Variants in ANO3 observed in about 807,000 individuals in gnomAD.
The protein encoded by ANO3 is anoctamin 3, also known as anoctamin-3.
A neutral mutation model predicts 144.8 loss-of-function variants in ANO3; 99 were observed. That is an observed-to-expected ratio of 0.68 (90% CI 0.58 to 0.81). The LOEUF is 0.81. ANO3 is among the 30% of genes least tolerant of loss of function. The pLI is 0.00. For missense variants in ANO3, 905 were observed against 1,202.2 expected (o/e 0.75, Z 3.66); for synonymous variants, 414 against 392.6 (o/e 1.05, Z -0.64).
At chr11:26,409,423 G>T (rs1184493469) in intron 1 of ANO3, among the ~76,000 whole-genome samples, 1 of 149,986 alleles carries the variant, frequency 6.7e-6, no homozygotes, top group African/African-American at 2.5e-5. Flanking sequence ...TTTAGGGCTG[G>T]TGTCAGCTGA....
At chr11:26,339,237 C>T (rs1590273205) in intron 1 of ANO3, among the ~76,000 whole-genome samples, 1 of 151,900 alleles carries the variant, frequency 6.6e-6, no homozygotes, top group African/African-American at 2.4e-5. Flanking sequence ...TCACTGAAAC[C>T]TCTGCCTCCC....
chr11:26,503,683 T>C (rs910020431), intron 4 of ANO3, among the ~76,000 whole-genome samples: 1 of 152,088 alleles, frequency 6.6e-6, no homozygotes, highest in Non-Finnish European at 1.5e-5. Context: ...TGTGAACTTA[T>C]TTACTCACTG....
intron 17 of ANO3, among the ~76,000 whole-genome samples, chr11:26,620,929 G>T (rs901086587): frequency 6.6e-6 from 1 of 152,168 alleles, no homozygotes; most frequent in African/African-American, 2.4e-5. Flanking sequence ...TTTAATAAAT[G>T]TATTTGTTTA....
chr11:26,366,415 G>A (rs1311121129), intron 1 of ANO3, among the ~76,000 whole-genome samples: 1 of 152,252 alleles, frequency 6.6e-6, no homozygotes, highest in African/African-American at 2.4e-5. Flanking sequence ...TTGGTTCCAA[G>A]TCTTTGCTAT....
At chr11:26,215,569 G>A (rs997814117) in intron 1 of ANO3, among the ~76,000 whole-genome samples, 4 of 151,816 alleles carry the variant, frequency 2.6e-5, no homozygotes, top group African/African-American at 9.7e-5. Flanking sequence ...AAAAACTCTG[G>A]TTCCTTTTAT....
At chr11:26,328,027 C>T (rs571728175), upstream of ANO3, among the ~76,000 whole-genome samples, 6 of 152,270 alleles carry the variant, frequency 3.9e-5, no homozygotes, top group East Asian at 9.7e-4. Flanking sequence ...CTTCAAAATG[C>T]CATGTGCTCC....
At chr11:26,659,025 A>G (rs983407149) in intron 26 of ANO3, among the ~76,000 whole-genome samples, 11 of 152,026 alleles carry the variant, frequency 7.2e-5, no homozygotes, top group Admixed American at 4.6e-4. Flanking sequence ...ATTTATAATA[A>G]CAGGAGGTAA....
At chr11:26,278,750 A>G (rs10834939) in intron 1 of ANO3, among the ~76,000 whole-genome samples, 26,946 of 152,012 alleles carry the variant, frequency 0.18, 2,660 homozygotes, top group African/African-American at 0.27. Flanking sequence ...TTCCTCTATC[A>G]CCTTCCCACC....
chr11:26,497,651 T>C (rs1251319174), intron 4 of ANO3, among the ~76,000 whole-genome samples: 1 of 152,078 alleles, frequency 6.6e-6, no homozygotes, highest in African/African-American at 2.4e-5. Flanking sequence ...TAAATACATG[T>C]TGGAAATCAT....
chr11:26,602,588 CTTTTTT>C (rs113082487), intron 17 of ANO3, among the ~76,000 whole-genome samples: 1 of 138,884 alleles, frequency 7.2e-6, no homozygotes, highest in African/African-American at 2.7e-5. Flanking sequence ...CTTTTCTTTT[CTTTTTT>C]TTTTTTTTAA....
rs528431599 is a variant in ANO3 at position 26,502,594 on chromosome 11, A to G, written c.433-5510A>G. ...GACTGGCTGTGGTAAATTCACAAAG[A>G]TTATATAACCTTCCGTGTCTGTTGG... On this transcript the variant is annotated intron_variant, in intron 4 of 26. Coordinates refer to ENST00000256737, the MANE Select transcript of ANO3 (RefSeq NM_031418.4). 3.9e-5 allele frequency among the ~76,000 whole-genome samples: 6 copies of G among 152,202 alleles called. No homozygotes were observed. The East Asian group carries it at 1.2e-3, about 29-fold the overall frequency.
chr11:26,448,392 G>C (rs1164946113), intron 3 of ANO3, among the ~76,000 whole-genome samples: 1 of 151,792 alleles, frequency 6.6e-6, no homozygotes, highest in African/African-American at 2.4e-5. Context: ...GTCTAATCTT[G>C]TTATGAAATC....
At chr11:26,634,852 A>G (rs189262277) in intron 19 of ANO3, among the ~76,000 whole-genome samples, 161 bp from the exon 20 acceptor site, 1 of 152,224 alleles carries the variant, frequency 6.6e-6, no homozygotes, top group East Asian at 1.9e-4. Context: ...TTCCTTTGTA[A>G]GTCAGATACT....
intron 1 of ANO3, among the ~76,000 whole-genome samples, chr11:26,281,010 T>C (rs10834951): frequency 0.18 from 27,010 of 152,096 alleles, 2,680 homozygotes; most frequent in African/African-American, 0.27. Flanking sequence ...TCTATCATTG[T>C]TTTATCCCCT....
chr11:26,376,570 A>T (rs1234353633), intron 1 of ANO3, among the ~76,000 whole-genome samples: 2 of 152,056 alleles, frequency 1.3e-5, no homozygotes, highest in African/African-American at 4.8e-5. Context: ...GCAACCAAAG[A>T]TGTTTCTCAA....
chr11:26,374,432 C>G (rs1856347901), intron 1 of ANO3, among the ~76,000 whole-genome samples: 2 of 152,132 alleles, frequency 1.3e-5, no homozygotes, highest in Non-Finnish European at 2.9e-5. Context: ...CTTTTAGGCT[C>G]TTGTCTACTA....
rs1473231197 is a variant in ANO3, at chr11:26,662,319, C to CG, written c.*1875_*1876insG. 1.3e-5 allele frequency: 2 copies of CG among 151,848 alleles called. No individual in the cohort carries two copies. The highest frequency in any genetic ancestry group is 2.9e-5 in the Non-Finnish European group (2 of 67,938). The allele number at this position is 151,848 out of a possible 1,614,324, so 9.4% of individuals were successfully genotyped here. A position where few individuals can be genotyped will look rare whatever the true frequency, so the allele number is the denominator to read the frequency against. On this transcript the variant is annotated 3_prime_UTR_variant, in exon 27 of 27. Transcript: ENST00000256737. ...TTCCAGAGAGGTTCTCATGCTCCCCCCCCTCCTTATTTGTAGCAATCGTAG... is the reference window on the plus strand; with the variant it reads ...TTCCAGAGAGGTTCTCATGCTCCCCCGCCCTCCTTATTTGTAGCAATCGTAG...
chr11:26,233,527 A>AG (rs1554926596), intron 1 of ANO3, among the ~76,000 whole-genome samples: 1 of 152,230 alleles, frequency 6.6e-6, no homozygotes, highest in Non-Finnish European at 1.5e-5. Context: ...TGTGGAAGAC[A>AG]GTGTGGTGGT....
chr11:26,490,519 T>C (rs890882838), intron 4 of ANO3, among the ~76,000 whole-genome samples: 2 of 152,236 alleles, frequency 1.3e-5, no homozygotes, highest in Non-Finnish European at 1.5e-5. Context: ...TATTTAGGTG[T>C]TATGGCTGCA....
Sources: allele counts gnomAD v4.1 joint callset (sites outside exome capture counted in the v4.1 genomes callset), GRCh38; gene constraint gnomAD v4.1.1; transcripts MANE v1.5; gene names NCBI Gene and HGNC (gene_info 2026-07-23, HGNC 2026-07-21).